SLC14A2: variants seen among roughly 807,000 people sequenced by gnomAD.
SLC14A2 encodes the protein urea transporter 2.
SLC14A2 carries 91 observed loss-of-function variants against 104.6 expected under a neutral mutation model. That is an observed-to-expected ratio of 0.87 (90% confidence interval 0.73 to 1.04). The LOEUF is 1.04. SLC14A2 is among the 50% of genes least tolerant of loss of function. The pLI is 0.00. For missense variants in SLC14A2, 1,189 were observed against 1,156.0 expected (o/e 1.03, Z -0.41); for synonymous variants, 476 against 466.4 (o/e 1.02, Z -0.27).
intron 1 of SLC14A2, among the ~76,000 whole-genome samples, chr18:45,621,908 C>A (rs756496928): frequency 9.9e-5 from 15 of 152,084 alleles, no homozygotes; most frequent in Non-Finnish European, 1.8e-4. Context: ...GGTCTTCATG[C>A]CAATGAACCA....
At chr18:45,211,436 A>T (rs1194039057), upstream of SLC14A2, among the ~76,000 whole-genome samples, 1 of 152,228 alleles carries the variant, frequency 6.6e-6, no homozygotes, top group Non-Finnish European at 1.5e-5. Context: ...CAGGTATTTC[A>T]AATTCCACAT....
chr18:45,221,739 A>C (rs2084064177), intron 1 of SLC14A2, among the ~76,000 whole-genome samples: 1 of 152,120 alleles, frequency 6.6e-6, no homozygotes, highest in Non-Finnish European at 1.5e-5. Context: ...AACAGAAAAC[A>C]TGCAAAGGGT....
chr18:45,671,501 C>T (rs957446303), intron 16 of SLC14A2, among the ~76,000 whole-genome samples: 4 of 152,162 alleles, frequency 2.6e-5, no homozygotes, highest in Non-Finnish European at 5.9e-5. Context: ...TTCCTCTGCT[C>T]TTGTGACCAC....
chr18:45,452,298 A>T (rs1230259018), intron 1 of SLC14A2, among the ~76,000 whole-genome samples: 1 of 152,212 alleles, frequency 6.6e-6, no homozygotes, highest in Non-Finnish European at 1.5e-5. Flanking sequence ...ACAACCCAAA[A>T]TACAAGGATA....
At chr18:45,432,634 AC>A (rs1465143069) in intron 1 of SLC14A2, among the ~76,000 whole-genome samples, 4 of 152,114 alleles carry the variant, frequency 2.6e-5, no homozygotes, top group Non-Finnish European at 5.9e-5. Context: ...CTAATTTTCC[AC>A]CCTGATTTCG....
chr18:45,606,740 AAAAAAAACAAAAC>A lies in SLC14A2; in HGVS notation c.-34-17885_-34-17873del, dbSNP rs1382691749. On this transcript the variant is annotated intron_variant, in intron 2 of 20. Transcript: ENST00000586448. ...ATAACTGACAAAGTCTAATTAAAAA[AAAAAAAACAAAAC>A]AAAAACAAAAAAAAAAAACACTGGC... 4.7e-3 allele frequency among the ~76,000 whole-genome samples: 328 copies of A among 70,242 alleles called. 2 individuals are homozygous for A. Among genetic ancestry groups the A allele is most frequent in the African/African-American group, 0.016 (293 of 18,626 alleles). The allele number at this position is 70,242 out of a possible 152,430, so 46.1% of individuals were successfully genotyped here.
intron 1 of SLC14A2, among the ~76,000 whole-genome samples, chr18:45,453,791 G>C (rs377120127): frequency 6.7e-6 from 1 of 149,538 alleles, no homozygotes; most frequent in African/African-American, 2.5e-5. Context: ...ACTGAAACCT[G>C]CCCTCTCCCT....
At chr18:45,185,344 C>T in the SLC14A2 span, among the ~76,000 whole-genome samples, 1 of 152,170 alleles carries the variant, frequency 6.6e-6, no homozygotes, top group Non-Finnish European at 1.5e-5. Context: ...AGATCTAAAG[C>T]ATGAGGCAAA....
At chr18:45,356,024 A>T (rs71355026) in intron 1 of SLC14A2, among the ~76,000 whole-genome samples, 8,854 of 152,214 alleles carry the variant, frequency 0.058, 523 homozygotes, top group African/African-American at 0.15. Flanking sequence ...TGCTGAGAAC[A>T]TTGCAGGGGT....
At chr18:45,252,727 A>G (rs1328975572) in intron 1 of SLC14A2, among the ~76,000 whole-genome samples, 1 of 152,144 alleles carries the variant, frequency 6.6e-6, no homozygotes, top group African/African-American at 2.4e-5. Flanking sequence ...GAGAGACATT[A>G]AAATCAAAGT....
chr18:45,297,471 G>T (rs1412436803), intron 1 of SLC14A2, among the ~76,000 whole-genome samples: 1 of 152,206 alleles, frequency 6.6e-6, no homozygotes, highest in Non-Finnish European at 1.5e-5. Context: ...GGCTGGTAAA[G>T]ATGAGTGGGT....
intron 1 of SLC14A2, among the ~76,000 whole-genome samples, chr18:45,471,060 T>C (rs2087239425): frequency 6.6e-6 from 1 of 152,166 alleles, no homozygotes; most frequent in Non-Finnish European, 1.5e-5. Flanking sequence ...AGTTTCTTCA[T>C]TTTCTACTGA....
At chr18:45,667,170 A>G in intron 13 of SLC14A2, 76 bp downstream of exon 13, 2 of 1,211,870 alleles carry the variant, frequency 1.7e-6, no homozygotes, top group Admixed American at 2.3e-5. Flanking sequence ...ACCCATTGCC[A>G]TGGGGGTTCC....
chr18:45,170,478 A>G, the SLC14A2 span, among the ~76,000 whole-genome samples: 1 of 152,190 alleles, frequency 6.6e-6, no homozygotes, highest in Non-Finnish European at 1.5e-5. Context: ...ATAACCTTGA[A>G]TGTTTGCACA....
At chr18:45,405,731 T>G (rs2086147080) in intron 1 of SLC14A2, among the ~76,000 whole-genome samples, 1 of 152,028 alleles carries the variant, frequency 6.6e-6, no homozygotes, top group African/African-American at 2.4e-5. Context: ...ACCCTGTCTC[T>G]AGTAAAAATA....
intron 1 of SLC14A2, among the ~76,000 whole-genome samples, chr18:45,308,167 T>C (rs1390054206): frequency 6.6e-6 from 1 of 152,244 alleles, no homozygotes; most frequent in East Asian, 1.9e-4. Flanking sequence ...CCTCTAACAC[T>C]GGGGATCACA....
At chr18:45,252,176 A>G (rs140728602) in intron 1 of SLC14A2, among the ~76,000 whole-genome samples, 58 of 152,306 alleles carry the variant, frequency 3.8e-4, no homozygotes, top group African/African-American at 1.3e-3. Flanking sequence ...CCCTCTGAAC[A>G]TCTGTAACAG....
At chr18:45,484,586 G>A (rs1453744306) in intron 2 of SLC14A2, among the ~76,000 whole-genome samples, 1 of 152,098 alleles carries the variant, frequency 6.6e-6, no homozygotes, top group Non-Finnish European at 1.5e-5. Flanking sequence ...CATGGTTAAG[G>A]CAATAAGCCA....
chr18:45,341,357 G>C lies in SLC14A2; in HGVS notation c.-125+128166G>C, dbSNP rs370267318. 2.0e-3 allele frequency among the ~76,000 whole-genome samples: 299 copies of C among 152,174 alleles called. 1 individual carries two copies. Among genetic ancestry groups the C allele is most frequent in the African/African-American group, 6.7e-3 (277 of 41,518 alleles). On this transcript the variant is annotated intron_variant, in intron 1 of 20. Transcript: ENST00000586448. Reference sequence around the variant, plus strand: ...ATTTGCCTGCTCACTAAAATGTATTGGTAACCTCATTTGCAGTCATGCACA... The same window carrying C: ...ATTTGCCTGCTCACTAAAATGTATTCGTAACCTCATTTGCAGTCATGCACA...
Sources: gnomAD v4.1 joint callset for allele counts (sites outside exome capture counted in the v4.1 genomes callset) on GRCh38, gnomAD v4.1.1 for gene constraint, MANE v1.5 for transcripts, NCBI Gene and HGNC (gene_info 2026-07-23, HGNC 2026-07-21) for gene names.